The following NR3C2 variants were observed in gnomAD, a reference collection of about 807,000 sequenced individuals.
NR3C2 encodes nuclear receptor subfamily 3 group C member 2.
In NR3C2, 15 loss-of-function variants were observed where a neutral mutation model predicts 86.4. That is an observed-to-expected ratio of 0.17 (90% confidence interval 0.12 to 0.27). NR3C2 has a LOEUF of 0.27. NR3C2 is among the 10% of genes least tolerant of loss of function. The probability of loss-of-function intolerance (pLI) is 1.00; values close to 1 mark genes in which losing one functional copy is unlikely to be tolerated. For synonymous variants in NR3C2, 458 were observed against 450.5 expected (o/e 1.02, Z -0.21); for missense variants, 960 against 1,195.6 (o/e 0.80, Z 2.91).
At chr4:148,332,931 A>G (rs1291189999) in intron 2 of NR3C2, among the ~76,000 whole-genome samples, 3 of 152,066 alleles carry the variant, frequency 2.0e-5, no homozygotes, top group Non-Finnish European at 2.9e-5. Flanking sequence ...AACTTTGTGT[A>G]TTTTTCATTA....
At chr4:148,343,502 T>C (rs990170659) in intron 2 of NR3C2, among the ~76,000 whole-genome samples, 1 of 150,044 alleles carries the variant, frequency 6.7e-6, no homozygotes, top group Non-Finnish European at 1.5e-5. Context: ...CTGACTGGCA[T>C]GCTTTTGGTC....
intron 2 of NR3C2, among the ~76,000 whole-genome samples, chr4:148,412,821 G>GCATA (rs1748773978): frequency 8.6e-6 from 1 of 115,954 alleles, no homozygotes; most frequent in Non-Finnish European, 1.9e-5. Flanking sequence ...GCACATGTGC[G>GCATA]CACACACACA....
intron 3 of NR3C2, among the ~76,000 whole-genome samples, chr4:148,202,681 C>CA (rs1266022836): frequency 6.6e-6 from 1 of 152,136 alleles, no homozygotes; most frequent in Non-Finnish European, 1.5e-5. Flanking sequence ...TGAAGAGAGA[C>CA]AAAGTTAACA....
chr4:148,383,609 C>G (rs1041315865), intron 2 of NR3C2, among the ~76,000 whole-genome samples: 14 of 152,138 alleles, frequency 9.2e-5, no homozygotes, highest in African/African-American at 3.4e-4. Flanking sequence ...AAGTTTACAA[C>G]TTTAACACTA....
intron 2 of NR3C2, among the ~76,000 whole-genome samples, chr4:148,282,231 T>G (rs1257891962): frequency 6.6e-6 from 1 of 152,136 alleles, no homozygotes; most frequent in Non-Finnish European, 1.5e-5. Context: ...GGTTTCACCA[T>G]GTTGACCAGG....
chr4:148,362,887 C>G (rs1426542994), intron 2 of NR3C2, among the ~76,000 whole-genome samples: 2 of 152,138 alleles, frequency 1.3e-5, no homozygotes, highest in Non-Finnish European at 2.9e-5. Context: ...CTATGGCTCT[C>G]ATGGCGTTTC....
intron 2 of NR3C2, among the ~76,000 whole-genome samples, chr4:148,405,211 G>A (rs530409645): frequency 3.2e-4 from 49 of 152,256 alleles, no homozygotes; most frequent in African/African-American, 1.2e-3. Flanking sequence ...AGATACACTA[G>A]TCTCACCATA....
intron 4 of NR3C2, among the ~76,000 whole-genome samples, chr4:148,163,331 C>G (rs981870950): frequency 1.3e-5 from 2 of 152,178 alleles, no homozygotes; most frequent in African/African-American, 4.8e-5. Context: ...CCCTACAATG[C>G]AAGTAAATAA....
At chr4:148,360,118 T>A (rs1745766091) in intron 2 of NR3C2, among the ~76,000 whole-genome samples, 1 of 152,196 alleles carries the variant, frequency 6.6e-6, no homozygotes, top group African/African-American at 2.4e-5. Context: ...ATAAAAGGGA[T>A]ATCCTAAGCC....
At chr4:148,437,944 G>GAT (rs1459181672) in intron 1 of NR3C2, among the ~76,000 whole-genome samples, 3 of 152,124 alleles carry the variant, frequency 2.0e-5, no homozygotes, top group Non-Finnish European at 4.4e-5. Flanking sequence ...AGGCTATATT[G>GAT]ATATAATTCT....
intron 8 of NR3C2, among the ~76,000 whole-genome samples, chr4:148,083,848 A>C (rs1730689985): frequency 6.6e-6 from 1 of 152,182 alleles, no homozygotes; most frequent in African/African-American, 2.4e-5. Flanking sequence ...GGAGCTGAAA[A>C]ACACAGCACA....
intron 3 of NR3C2, among the ~76,000 whole-genome samples, chr4:148,249,733 T>C (rs1007557856): frequency 2.0e-4 from 30 of 152,156 alleles, no homozygotes; most frequent in African/African-American, 7.0e-4. Context: ...GTATAAGAAT[T>C]CACTGTTAAT....
intron 2 of NR3C2, among the ~76,000 whole-genome samples, chr4:148,327,950 T>C (rs72656810): frequency 1.6e-3 from 242 of 152,338 alleles, no homozygotes; most frequent in Non-Finnish European, 2.7e-3. Flanking sequence ...TTAAAGCCTC[T>C]TCCTTTTCAT....
At chr4:148,419,188 G>A (rs1458195202) in intron 2 of NR3C2, among the ~76,000 whole-genome samples, 2 of 151,788 alleles carry the variant, frequency 1.3e-5, no homozygotes, top group Non-Finnish European at 2.9e-5. Context: ...AGCATCACTG[G>A]TGAACAAACA....
intron 2 of NR3C2, among the ~76,000 whole-genome samples, chr4:148,358,215 C>G (rs890268078): frequency 6.6e-6 from 1 of 152,038 alleles, no homozygotes; most frequent in African/African-American, 2.4e-5. Flanking sequence ...AGACTTGGAA[C>G]CAACCCAAAT....
At chr4:148,149,827 G>A (rs1734026985) in intron 6 of NR3C2, among the ~76,000 whole-genome samples, 1 of 152,184 alleles carries the variant, frequency 6.6e-6, no homozygotes. Flanking sequence ...TTAGCCATTA[G>A]GGAAATGAAA....
intron 3 of NR3C2, among the ~76,000 whole-genome samples, chr4:148,234,610 G>T (rs1173243796): frequency 4.0e-5 from 6 of 151,370 alleles, no homozygotes; most frequent in Non-Finnish European, 8.8e-5. Context: ...TTGAACCCAG[G>T]AAGCAGAGGT....
At chr4:148,293,172 T>G (rs1230618104) in intron 2 of NR3C2, among the ~76,000 whole-genome samples, 1 of 152,140 alleles carries the variant, frequency 6.6e-6, no homozygotes, top group Non-Finnish European at 1.5e-5. Context: ...ATAATATACA[T>G]GTATATATAA....
chr4:148,222,363 T>C (rs776682004), intron 3 of NR3C2, among the ~76,000 whole-genome samples: 3 of 152,188 alleles, frequency 2.0e-5, no homozygotes, highest in Non-Finnish European at 4.4e-5. Flanking sequence ...CAAAAGCCTA[T>C]TGATTTAATA....
Sources: allele counts gnomAD v4.1 joint callset (sites outside exome capture counted in the v4.1 genomes callset), GRCh38; gene constraint gnomAD v4.1.1; transcripts MANE v1.5; gene names NCBI Gene and HGNC (gene_info 2026-07-23, HGNC 2026-07-21).